PRMT8: variants seen among roughly 807,000 people sequenced by gnomAD.
PRMT8 encodes the protein protein arginine methyltransferase 8.
PRMT8 carries 7 observed loss-of-function variants against 47.1 expected under a neutral mutation model. That is an observed-to-expected ratio of 0.15 (90% CI 0.08 to 0.28). The LOEUF (loss-of-function observed/expected upper bound fraction) is 0.28. PRMT8 is among the 10% of genes least tolerant of loss of function. The pLI is 1.00. For synonymous variants in PRMT8, 188 were observed against 186.5 expected, an observed-to-expected ratio of 1.01 and a Z score of -0.07; for missense variants, 237 against 505.4, an observed-to-expected ratio of 0.47 and a Z score of 5.09.
At chr12:3,470,163 C>T (rs931048177) in intron 1 of PRMT8, among the ~76,000 whole-genome samples, 4 of 152,150 alleles carry the variant, frequency 2.6e-5, no homozygotes, top group African/African-American at 9.6e-5. Flanking sequence ...ATATTGAAAC[C>T]CCTGGTTTCA....
At chr12:3,531,717 G>A (rs11062709) in intron 1 of PRMT8, among the ~76,000 whole-genome samples, 26,846 of 152,208 alleles carry the variant, frequency 0.18, 2,885 homozygotes, top group Middle Eastern at 0.32. Flanking sequence ...TCAGGACAGC[G>A]AGTCCCTACC....
intron 1 of PRMT8, among the ~76,000 whole-genome samples, chr12:3,497,448 C>T (rs1388232561): frequency 6.6e-6 from 1 of 152,170 alleles, no homozygotes; most frequent in Non-Finnish European, 1.5e-5. Flanking sequence ...TCAACCTCTT[C>T]GATTGCAATC....
rs1446391554 is a variant in PRMT8, at chr12:3,552,333, C to T, written c.418-1318C>T. The T allele has an allele frequency of 1.2e-5, 2 of 160,046 alleles. No homozygotes were observed. The highest frequency in any genetic ancestry group is 1.9e-4 in the East Asian group (1 of 5,350). The allele number at this position is 160,046 out of a possible 1,614,324, so 9.9% of individuals were successfully genotyped here. ...GAAAATGAGGAGGGAAGGACACCGC[C>T]CCGCACTCTGAGTGTTGAGCAAGCT... is the stretch of plus-strand genomic sequence containing the variant. On this transcript the variant is annotated intron_variant, in intron 3 of 9. Coordinates refer to ENST00000382622, the MANE Select transcript of PRMT8 (RefSeq NM_019854.5). This position sits in a 1 kb window ranked among gnomAD's most constrained non-coding sequence, Gnocchi z 4.5.
chr12:3,492,821 G>C lies in PRMT8; in HGVS notation c.75+1121G>C, dbSNP rs1188615235. Among the ~76,000 whole-genome samples, 2 of 152,090 alleles carry C rather than the reference G, an allele frequency of 1.3e-5. No homozygotes were observed. Among genetic ancestry groups the C allele is most frequent in the Admixed American group, 6.6e-5 (1 of 15,266 alleles). On this transcript the variant is annotated intron_variant, in intron 1 of 9. Coordinates refer to ENST00000382622, the MANE Select transcript of PRMT8 (RefSeq NM_019854.5). This position sits in a 1 kb window ranked among gnomAD's most constrained non-coding sequence, Gnocchi z 7.5. The stretch of plus-strand genomic sequence containing the variant: ...TACTCAGTGGCAGGAAAAAGACACA[G>C]AGAGCAAACTCCCAGGCTCTATTAA...
At chr12:3,412,581 A>G (rs1174382600) in intron 1 of PRMT8, among the ~76,000 whole-genome samples, 1 of 152,144 alleles carries the variant, frequency 6.6e-6, no homozygotes, top group Admixed American at 6.5e-5. Context: ...CCTTTTTTAT[A>G]TCTTATTCTA....
At chr12:3,577,717 T>A (rs965142168) in intron 7 of PRMT8, among the ~76,000 whole-genome samples, 3 of 152,120 alleles carry the variant, frequency 2.0e-5, no homozygotes, top group Admixed American at 2.0e-4. Context: ...AGTGTTAGTG[T>A]ATTTTATGTG....
At chr12:3,457,287 T>C (rs1368141651) in intron 1 of PRMT8, among the ~76,000 whole-genome samples, 2 of 152,122 alleles carry the variant, frequency 1.3e-5, no homozygotes, top group African/African-American at 2.4e-5. Context: ...TCTGGGAGAA[T>C]GTCCTGACTT....
Position 3,593,333 on chromosome 12 carries a change from C to T in PRMT8, c.*151C>T, listed in dbSNP as rs927597962. 26 of 648,260 alleles carry T rather than the reference C, an allele frequency of 4.0e-5. No individual in the cohort carries two copies. The highest frequency in any genetic ancestry group is 2.7e-4 in the Admixed American group (9 of 33,690). 40.2% of individuals were successfully genotyped at this position (648,260 alleles called of 1,614,324 possible). Reference sequence around the variant, plus strand: ...AGATTGGTGAACTCCCCAGGGCTCCCGTGGGCTCTGCCACTGGACAGAAGG... The same window carrying T: ...AGATTGGTGAACTCCCCAGGGCTCCTGTGGGCTCTGCCACTGGACAGAAGG... On this transcript the variant is annotated 3_prime_UTR_variant, in exon 10 of 10. Transcript: ENST00000382622. The surrounding 1 kb of genome is among the most constrained non-coding windows in gnomAD (Gnocchi z 4.8).
chr12:3,546,443 A>C (rs1160339234), intron 2 of PRMT8, among the ~76,000 whole-genome samples: 2 of 152,234 alleles, frequency 1.3e-5, no homozygotes, highest in Non-Finnish European at 2.9e-5. Flanking sequence ...TAGTTAGATT[A>C]ATCAAGAAAA....
intron 3 of PRMT8, chr12:3,553,233 G>A (rs922487054): frequency 8.5e-6 from 2 of 235,844 alleles, no homozygotes; most frequent in Admixed American, 5.1e-5. Flanking sequence ...GTTTACCCTG[G>A]AAGGGCTGGG....
chr12:3,477,312 G>C (rs935259112), intron 1 of PRMT8, among the ~76,000 whole-genome samples: 1 of 152,218 alleles, frequency 6.6e-6, no homozygotes, highest in African/African-American at 2.4e-5. Context: ...TAAGTGCTCC[G>C]CACTGGACTG....
chr12:3,447,798 C>T (rs1481925025), intron 1 of PRMT8, among the ~76,000 whole-genome samples: 1 of 152,310 alleles, frequency 6.6e-6, no homozygotes, highest in South Asian at 2.1e-4. Flanking sequence ...TGGTGTTCAC[C>T]CCTGCACTGA....
intron 1 of PRMT8, among the ~76,000 whole-genome samples, chr12:3,428,840 A>G (rs527305398): frequency 3.7e-5 from 3 of 80,488 alleles, no homozygotes; most frequent in East Asian, 6.6e-4. Flanking sequence ...GCCTCTCTCT[A>G]TCTCTCTTAC....
At chr12:3,442,903 C>T (rs77064804) in intron 1 of PRMT8, among the ~76,000 whole-genome samples, 16 of 152,204 alleles carry the variant, frequency 1.1e-4, no homozygotes, top group South Asian at 4.2e-4. Flanking sequence ...GTGATCCACC[C>T]GCCTCGGCCT....
rs1289780788 is a variant in PRMT8, at chr12:3,576,209, C to T, written c.713-662C>T. On this transcript the variant is annotated intron_variant, in intron 6 of 9. Transcript: ENST00000382622. This position sits in a 1 kb window ranked among gnomAD's most constrained non-coding sequence, Gnocchi z 4.0. Reference sequence around the variant, plus strand: ...GGGGTAGTTCCTAATGGGGTGGATCCTTAGTGAGTGCATCTTGGCATACAA... The same window carrying T: ...GGGGTAGTTCCTAATGGGGTGGATCTTTAGTGAGTGCATCTTGGCATACAA... Among the ~76,000 whole-genome samples, 1 of 152,122 alleles carries T rather than the reference C, an allele frequency of 6.6e-6. No individual in the cohort carries two copies. Among genetic ancestry groups the T allele is most frequent in the Non-Finnish European group, 1.5e-5 (1 of 68,014 alleles).
chr12:3,441,707 G>A (rs1365363632), intron 1 of PRMT8, among the ~76,000 whole-genome samples: 1 of 152,248 alleles, frequency 6.6e-6, no homozygotes, highest in Non-Finnish European at 1.5e-5. Context: ...TCCATTAGGA[G>A]AGTTCAGAAC....
At chr12:3,460,657 C>A (rs1252746377) in intron 1 of PRMT8, among the ~76,000 whole-genome samples, 1 of 152,044 alleles carries the variant, frequency 6.6e-6, no homozygotes, top group African/African-American at 2.4e-5. Context: ...ATATTATATC[C>A]CCATTTTACA....
chr12:3,432,165 G>A (rs1212635938), intron 1 of PRMT8, among the ~76,000 whole-genome samples: 1 of 152,246 alleles, frequency 6.6e-6, no homozygotes, highest in East Asian at 1.9e-4. Flanking sequence ...GAGGCCTGGT[G>A]TGGCTGAGAT....
intron 1 of PRMT8, chr12:3,462,954 C>T (rs1865056184): frequency 6.6e-6 from 1 of 152,122 alleles, no homozygotes; most frequent in Non-Finnish European, 1.5e-5. Context: ...GCTTAGGGCT[C>T]AGTCCCTTTT....
Sources: allele counts gnomAD v4.1 joint callset (sites outside exome capture counted in the v4.1 genomes callset), GRCh38; gene constraint gnomAD v4.1.1; non-coding constraint Gnocchi (gnomAD v3.1); transcripts MANE v1.5; gene names NCBI Gene and HGNC (gene_info 2026-07-23, HGNC 2026-07-21).